TDRD5: variants seen among roughly 807,000 people sequenced by gnomAD.
The protein encoded by TDRD5 is tudor domain containing 5, also known as tudor domain-containing protein 5.
Under a neutral mutation model 120.6 loss-of-function variants are expected in TDRD5, and 41 were observed. That is an observed-to-expected ratio of 0.34 (90% CI 0.26 to 0.44). The LOEUF (loss-of-function observed/expected upper bound fraction) is 0.44. Among genes scored for constraint, TDRD5 ranks in the 20% least tolerant of loss-of-function variants. The pLI, the probability that TDRD5 is intolerant of heterozygous loss-of-function variation, is 1.00. For synonymous variants in TDRD5, 430 were observed against 433.7 expected (o/e 0.99, Z 0.11); for missense variants, 1,006 against 1,221.2 (o/e 0.82, Z 2.63).
intron 13 of TDRD5, among the ~76,000 whole-genome samples, chr1:179,653,624 G>A (rs1678835227): frequency 6.6e-6 from 1 of 152,066 alleles, no homozygotes; most frequent in Non-Finnish European, 1.5e-5. Flanking sequence ...CTATCACTCT[G>A]TTGGTGTCTT....
intron 11 of TDRD5, among the ~76,000 whole-genome samples, chr1:179,648,537 A>G (rs1678531040): frequency 6.7e-6 from 1 of 149,430 alleles, no homozygotes; most frequent in Non-Finnish European, 1.5e-5. Flanking sequence ...TGGCACATGT[A>G]TACATATGTA....
At chr1:179,641,641 A>G (rs550609984) in intron 11 of TDRD5, among the ~76,000 whole-genome samples, 1 of 152,144 alleles carries the variant, frequency 6.6e-6, no homozygotes, top group Non-Finnish European at 1.5e-5. Flanking sequence ...ATTTTATTGG[A>G]TGTTGGGAGC....
chr1:179,628,283 G>A (rs1677237873), intron 6 of TDRD5, among the ~76,000 whole-genome samples: 1 of 148,060 alleles, frequency 6.8e-6, no homozygotes. Context: ...GAGGGTGGGA[G>A]TAGAAATATA....
intron 7 of TDRD5, among the ~76,000 whole-genome samples, chr1:179,631,929 T>G (rs1327834939): frequency 6.8e-6 from 1 of 147,422 alleles, no homozygotes; most frequent in Non-Finnish European, 1.5e-5. Flanking sequence ...TTTTTTGAGA[T>G]AGATTCTTAC....
intron 7 of TDRD5, among the ~76,000 whole-genome samples, chr1:179,633,963 A>C (rs1677607935): frequency 6.6e-6 from 1 of 151,874 alleles, no homozygotes; most frequent in Non-Finnish European, 1.5e-5. Context: ...CGAGGTCAGG[A>C]GATAGAGACC....
chr1:179,593,633 A>G lies in TDRD5; in HGVS notation c.406A>G (p.Lys136Glu). 6.2e-7 allele frequency: 1 copy of G among 1,614,206 alleles called. No individual in the cohort carries two copies. Among genetic ancestry groups the G allele is most frequent in the Non-Finnish European group, 8.5e-7 (1 of 1,180,022 alleles). Residue 136 changes from lysine (K) to glutamate (E), a missense_variant, in exon 3 of 18, where the codon AAG becomes GAG. Lys to Glu is a moderately conservative substitution (Grantham distance 56). Around this residue, in one of 3 missense-constraint regions of TDRD5, gnomAD observed 445 missense variants for 515.5 expected, o/e 0.86. Coordinates refer to ENST00000444136, the MANE Select transcript of TDRD5 (RefSeq NM_001199085.3). The stretch of plus-strand genomic sequence containing the variant: ...TGCCCCTATTCTTCCAGCTGTTGTG[A>G]AGAGTGAGTTGAAGGACCTGTTGGC... Reference protein sequence around the residue: ...RVAPILPAVVKSELKDLLALS... With the variant: ...RVAPILPAVVESELKDLLALS...
intron 4 of TDRD5, among the ~76,000 whole-genome samples, chr1:179,610,099 T>C (rs1177493660): frequency 6.6e-6 from 1 of 152,132 alleles, no homozygotes; most frequent in Non-Finnish European, 1.5e-5. Context: ...CAGCTCTAAA[T>C]TGTTGTTTCA....
In TDRD5 at chr1:179,617,405, A is replaced by G. The variant is rs185600368; in HGVS notation, c.832-1194A>G. Reference sequence around the variant, plus strand: ...GCACTCTTCGTGCCTCATCACATTTAGTTTTCTTGTCAGCCTTGTGAGAGA... The same window carrying G: ...GCACTCTTCGTGCCTCATCACATTTGGTTTTCTTGTCAGCCTTGTGAGAGA... On this transcript the variant is annotated intron_variant, in intron 4 of 17. Transcript: ENST00000444136. 3.3e-4 allele frequency among the ~76,000 whole-genome samples: 50 copies of G among 152,230 alleles called. No individual in the cohort carries two copies. The East Asian group carries it at 9.5e-3, about 29-fold the overall frequency.
At chr1:179,610,608 A>G (rs1285463471) in intron 4 of TDRD5, among the ~76,000 whole-genome samples, 1 of 152,182 alleles carries the variant, frequency 6.6e-6, no homozygotes, top group African/African-American at 2.4e-5. Flanking sequence ...TCAAATGTCA[A>G]TCCTTGAAAG....
Position 179,669,367 on chromosome 1 carries a change from T to C in TDRD5, c.2823T>C (p.Thr941=), listed in dbSNP as rs1679737993. Residue 941 remains threonine, a synonymous_variant, in exon 17 of 18, where the codon ACT becomes ACC. Coordinates refer to ENST00000444136, the MANE Select transcript of TDRD5 (RefSeq NM_001199085.3). Reference sequence around the variant, plus strand: ...CCACAGCAGCACCCTGTTCAACAACTGCAGTGGATGATTCCGCAGAAAAGC... The same window carrying C: ...CCACAGCAGCACCCTGTTCAACAACCGCAGTGGATGATTCCGCAGAAAAGC... The part of the protein sequence containing the change: ...QLSTAAPCST[T]AVDDSAEKPS... 6.2e-7 allele frequency: 1 copy of C among 1,614,114 alleles called. No individual in the cohort carries two copies. The highest frequency in any genetic ancestry group is 1.3e-5 in the African/African-American group (1 of 74,944).
chr1:179,649,593 A>G (rs1018759075), intron 11 of TDRD5, among the ~76,000 whole-genome samples: 4 of 152,148 alleles, frequency 2.6e-5, no homozygotes, highest in African/African-American at 4.8e-5. Flanking sequence ...TGCTAGATCA[A>G]TTTTTATAGA....
chr1:179,690,580 C>T (rs931281139), intron 17 of TDRD5, 116 bp from the exon 18 acceptor site: 53 of 1,402,748 alleles, frequency 3.8e-5, no homozygotes, highest in African/African-American at 8.7e-5. Context: ...TGGTAATTGT[C>T]GCTACCTAAC....
chr1:179,677,944 C>T (rs1421322436), intron 17 of TDRD5, among the ~76,000 whole-genome samples: 1 of 152,192 alleles, frequency 6.6e-6, no homozygotes, highest in Non-Finnish European at 1.5e-5. Context: ...AGGCAGTGAG[C>T]AGGGCCATAG....
intron 16 of TDRD5, among the ~76,000 whole-genome samples, chr1:179,665,775 A>G (rs908997985): frequency 5.3e-5 from 8 of 152,142 alleles, no homozygotes; most frequent in African/African-American, 1.7e-4. Flanking sequence ...TCCTTAAGGT[A>G]TATTTCTTAA....
chr1:179,679,512 T>C (rs1051252954), intron 17 of TDRD5, among the ~76,000 whole-genome samples: 3 of 152,128 alleles, frequency 2.0e-5, no homozygotes, highest in African/African-American at 7.2e-5. Flanking sequence ...GAGTTTTCTT[T>C]GAAGGAAGGT....
At position 179,635,986 on chromosome 1, in the gene TDRD5, G is replaced by A. The variant is rs187910650; in HGVS notation, c.1520+99G>A. The A allele has an allele frequency of 2.9e-3, 3,033 of 1,054,398 alleles. 10 individuals are homozygous for A. The highest frequency in any genetic ancestry group is 3.2e-3 in the Non-Finnish European group (2,479 of 774,100). The allele number at this position is 1,054,398 out of a possible 1,614,324, so 65.3% of individuals were successfully genotyped here. On this transcript the variant is annotated intron_variant, in intron 9 of 17. Transcript: ENST00000444136. ...GGACTCTTAAAAATTAAAGACCCAA[G>A]AGAGCTTTTTTTTATCAGTATTTAT...
chr1:179,606,318 CTTTGT>C (rs1037487907), intron 4 of TDRD5, among the ~76,000 whole-genome samples: 8 of 150,728 alleles, frequency 5.3e-5, no homozygotes, highest in Non-Finnish European at 5.9e-5. Context: ...TTTAAGAGTT[CTTTGT>C]TTTGTTTTGT....
intron 17 of TDRD5, among the ~76,000 whole-genome samples, chr1:179,688,744 C>G (rs1680909033): frequency 6.6e-6 from 1 of 152,150 alleles, no homozygotes; most frequent in Admixed American, 6.5e-5. Context: ...TTGTTCATTT[C>G]TTTTTACTCT....
rs553822359 is a variant in TDRD5, at chr1:179,607,134, A to G, written c.831+11316A>G. Among the ~76,000 whole-genome samples the G allele has an allele frequency of 2.0e-5, 3 of 152,228 alleles. No individual in the cohort carries two copies. The South Asian group carries it at 6.2e-4, about 32-fold the overall frequency. On this transcript the variant is annotated intron_variant, in intron 4 of 17. Coordinates refer to ENST00000444136, the MANE Select transcript of TDRD5 (RefSeq NM_001199085.3). ...TCATCAGAGTTTTGTAGTATTCCTC[A>G]TACAGATCTTGTACATATTTTTTTA...
Sources: gnomAD v4.1 joint callset for allele counts (sites outside exome capture counted in the v4.1 genomes callset) on GRCh38, gnomAD v4.1.1 for gene constraint, gnomAD v4.1.1 regional missense constraint, MANE v1.5 for transcripts, NCBI Gene and HGNC (gene_info 2026-07-23, HGNC 2026-07-21) for gene names.